Variants in TRDN observed in about 807,000 individuals in gnomAD.
The protein encoded by TRDN is triadin.
Under a neutral mutation model 149.7 loss-of-function variants are expected in TRDN, and 161 were observed. The observed-to-expected ratio is 1.08, with a 90% CI of 0.95 to 1.23. The LOEUF (loss-of-function observed/expected upper bound fraction) is 1.23. Among genes scored for constraint, TRDN ranks in the 50% most tolerant of loss-of-function variants. The pLI, the probability that TRDN is intolerant of heterozygous loss-of-function variation, is 0.00. For missense variants in TRDN, 896 were observed against 823.5 expected, an observed-to-expected ratio of 1.09 and a Z score of -1.08; for synonymous variants, 294 against 250.5, an observed-to-expected ratio of 1.17 and a Z score of -1.64.
At chr6:123,254,116 A>T (rs944359776) in intron 37 of TRDN, among the ~76,000 whole-genome samples, 1 of 152,108 alleles carries the variant, frequency 6.6e-6, no homozygotes, top group Admixed American at 6.6e-5. Flanking sequence ...AAAAGGTATA[A>T]CCATACATTT....
chr6:123,221,380 A>C (rs1775142128), intron 40 of TRDN, 107 bp downstream of exon 40: 1 of 643,472 alleles, frequency 1.6e-6, no homozygotes, highest in African/African-American at 1.9e-5. Flanking sequence ...CTATGCTAAA[A>C]AATTTTTTCT....
At chr6:123,381,956 G>GCTGTCT (rs1554230329) in intron 15 of TRDN, among the ~76,000 whole-genome samples, 162 bp downstream of exon 15, 1 of 138,452 alleles carries the variant, frequency 7.2e-6, no homozygotes, top group African/African-American at 2.7e-5. Flanking sequence ...TAGATTTGGC[G>GCTGTCT]CTCTCTCTCT....
rs189738671 is a variant in TRDN at position 123,594,595 on chromosome 6, C to T, written c.23-23463G>A. Among the ~76,000 whole-genome samples, 185 of 150,904 alleles carry T rather than the reference C, an allele frequency of 1.2e-3. 1 individual carries two copies. Among genetic ancestry groups the T allele is most frequent in the African/African-American group, 4.2e-3 (175 of 41,186 alleles). On this transcript the variant is annotated intron_variant, in intron 1 of 40. Transcript: ENST00000334268. Reference sequence around the variant, plus strand: ...TTTTATCTAATGATTTAAAAATGTCCAAAGCATGAATGTTACCAAACAGAA... The same window carrying T: ...TTTTATCTAATGATTTAAAAATGTCTAAAGCATGAATGTTACCAAACAGAA...
intron 31 of TRDN, 70 bp downstream of exon 31, chr6:123,269,779 A>G (rs1351680008): frequency 8.6e-6 from 13 of 1,517,836 alleles, no homozygotes; most frequent in Non-Finnish European, 1.2e-5. Context: ...TCTTAAAAAA[A>G]CTAAGCAAAA....
intron 1 of TRDN, among the ~76,000 whole-genome samples, chr6:123,584,265 C>A (rs963981690): frequency 6.6e-6 from 1 of 151,938 alleles, no homozygotes. Context: ...AAAGTATATG[C>A]GTCAGATATG....
At chr6:123,492,372 G>C (rs1423097696) in intron 9 of TRDN, among the ~76,000 whole-genome samples, 1 of 152,114 alleles carries the variant, frequency 6.6e-6, no homozygotes, top group Non-Finnish European at 1.5e-5. Context: ...CACTAGCCCT[G>C]GTACTTGTAG....
chr6:123,358,390 A>G (rs929383071), intron 20 of TRDN, among the ~76,000 whole-genome samples: 1 of 151,976 alleles, frequency 6.6e-6, no homozygotes, highest in African/African-American at 2.4e-5. Flanking sequence ...ATTCTCCAAT[A>G]CAATTGACAT....
At chr6:123,418,062 A>G (rs1037439513) in intron 12 of TRDN, among the ~76,000 whole-genome samples, 1 of 152,194 alleles carries the variant, frequency 6.6e-6, no homozygotes, top group African/African-American at 2.4e-5. Context: ...GGTAAGTATA[A>G]CACACAAATG....
At chr6:123,419,361 A>G (rs966925025) in intron 12 of TRDN, among the ~76,000 whole-genome samples, 3 of 152,142 alleles carry the variant, frequency 2.0e-5, no homozygotes, top group Non-Finnish European at 2.9e-5. Flanking sequence ...GCCTTTACAC[A>G]TGCATAATTT....
intron 24 of TRDN, among the ~76,000 whole-genome samples, chr6:123,286,549 G>A (rs1206426379): frequency 6.6e-6 from 1 of 151,934 alleles, no homozygotes; most frequent in Admixed American, 6.6e-5. Context: ...TGGGGTGAGG[G>A]ATAAAAGACT....
At chr6:123,281,946 T>C (rs911495555) in intron 24 of TRDN, among the ~76,000 whole-genome samples, 1 of 152,050 alleles carries the variant, frequency 6.6e-6, no homozygotes, top group Admixed American at 6.6e-5. Flanking sequence ...CAGTACCTTA[T>C]GAATGTGCCT....
At chr6:123,431,049 T>G (rs111775114) in intron 12 of TRDN, among the ~76,000 whole-genome samples, 373 of 152,322 alleles carry the variant, frequency 2.4e-3, no homozygotes, top group Non-Finnish European at 4.1e-3. Flanking sequence ...TAAACAACTA[T>G]TGTCTTACCT....
intron 1 of TRDN, among the ~76,000 whole-genome samples, chr6:123,588,193 C>T (rs1783601956): frequency 6.6e-6 from 1 of 152,172 alleles, no homozygotes. Context: ...CCGCAAGAGA[C>T]AGCCTAATAA....
chr6:123,547,244 T>A, intron 4 of TRDN, 96 bp downstream of exon 4: 1 of 774,632 alleles, frequency 1.3e-6, no homozygotes, highest in Non-Finnish European at 2.0e-6. Context: ...AAACAAAACC[T>A]TTATATTAAA....
intron 20 of TRDN, among the ~76,000 whole-genome samples, chr6:123,356,451 C>T (rs1472264177): frequency 6.8e-6 from 1 of 146,326 alleles, no homozygotes; most frequent in Non-Finnish European, 1.5e-5. Context: ...TACTAGCAGA[C>T]TTAATCTGCT....
chr6:123,254,159 G>T (rs1158371073), intron 37 of TRDN, among the ~76,000 whole-genome samples: 3 of 151,800 alleles, frequency 2.0e-5, no homozygotes, highest in Admixed American at 6.6e-5. Flanking sequence ...CATCCTTCTG[G>T]CTGATTATCT....
chr6:123,516,344 T>C, intron 5 of TRDN, 138 bp from the exon 6 acceptor site: 1 of 1,080,140 alleles, frequency 9.3e-7, no homozygotes, highest in Non-Finnish European at 1.2e-6. Context: ...TTTTATGTAG[T>C]TAGAGGTTTA....
intron 38 of TRDN, among the ~76,000 whole-genome samples, chr6:123,235,140 C>T (rs1005975054): frequency 6.6e-6 from 1 of 152,014 alleles, no homozygotes; most frequent in Non-Finnish European, 1.5e-5. Flanking sequence ...CAAAAATCTA[C>T]AAGGAATCAA....
intron 39 of TRDN, among the ~76,000 whole-genome samples, chr6:123,223,267 C>T (rs1352431210): frequency 6.6e-6 from 1 of 151,626 alleles, no homozygotes; most frequent in Non-Finnish European, 1.5e-5. Flanking sequence ...ACGGGAGGAA[C>T]AGACACTGAG....
Sources: allele counts gnomAD v4.1 joint callset (sites outside exome capture counted in the v4.1 genomes callset), GRCh38; gene constraint gnomAD v4.1.1; transcripts MANE v1.5; gene names NCBI Gene and HGNC (gene_info 2026-07-23, HGNC 2026-07-21).